PLXNA2: variants seen among roughly 807,000 people sequenced by gnomAD.
The protein encoded by PLXNA2 is plexin-A2.
A neutral mutation model predicts 193.5 loss-of-function variants in PLXNA2; 91 were observed. The observed-to-expected ratio is 0.47, with a 90% confidence interval of 0.40 to 0.56. The LOEUF (loss-of-function observed/expected upper bound fraction) is 0.56, where lower values mean the gene tolerates loss of function less well. Among genes scored for constraint, PLXNA2 ranks in the 20% least tolerant of loss-of-function variants. PLXNA2 has a pLI of 0.00. For missense variants in PLXNA2, 1,995 were observed against 2,503.2 expected, an observed-to-expected ratio of 0.80 and a Z score of 4.33; for synonymous variants, 997 against 1,027.3, an observed-to-expected ratio of 0.97 and a Z score of 0.56.
intron 6 of PLXNA2, among the ~76,000 whole-genome samples, chr1:208,097,499 A>T (rs1259305056): frequency 2.0e-5 from 3 of 152,284 alleles, no homozygotes; most frequent in Middle Eastern, 6.8e-3. Context: ...AGCTCAGGGG[A>T]TCAGAGAAGT....
chr1:208,121,876 GT>G (rs766966439), intron 4 of PLXNA2, among the ~76,000 whole-genome samples: 7 of 152,084 alleles, frequency 4.6e-5, no homozygotes, highest in Non-Finnish European at 8.8e-5. Flanking sequence ...CACCAATACA[GT>G]GACACCATGC....
In PLXNA2 at chr1:208,051,382, G is replaced by A; in HGVS notation, c.3035C>T (p.Ser1012Phe). The A allele has an allele frequency of 6.2e-7, 1 of 1,612,894 alleles. No individual in the cohort carries two copies. The highest frequency in any genetic ancestry group is 8.5e-7 in the Non-Finnish European group (1 of 1,179,708). The change falls in exon 16 of 32, where the codon TCC (serine) becomes TTC (phenylalanine). Residue 1012 changes from serine to phenylalanine, a missense_variant. Physicochemically the swap from Ser to Phe is radical, Grantham distance 155. Transcript: ENST00000367033. ...SEIVCVSPPS[S>F]NGLGPVPVSV... Reference sequence around the variant, plus strand: ...AACAGGGACCGGGCCAAGGCCATTGGATGATGGGGGTGAGACACACACGAT... The same window carrying A: ...AACAGGGACCGGGCCAAGGCCATTGAATGATGGGGGTGAGACACACACGAT...
chr1:208,188,161 A>T (rs1321708894), intron 3 of PLXNA2, among the ~76,000 whole-genome samples: 1 of 152,196 alleles, frequency 6.6e-6, no homozygotes, highest in Non-Finnish European at 1.5e-5. Flanking sequence ...CATGCCTTCA[A>T]CTAGGCACCT....
chr1:208,043,265 G>A, intron 20 of PLXNA2, 62 bp from the exon 21 acceptor site: 1 of 1,564,130 alleles, frequency 6.4e-7, no homozygotes, highest in Non-Finnish European at 8.8e-7. Flanking sequence ...GGAGAAAGAG[G>A]GAGAAGAAGT....
intron 4 of PLXNA2, among the ~76,000 whole-genome samples, chr1:208,106,609 T>G (rs1424188099): frequency 6.6e-6 from 1 of 152,178 alleles, no homozygotes; most frequent in Non-Finnish European, 1.5e-5. Flanking sequence ...CAATACACAC[T>G]GGATTTGGAA....
intron 3 of PLXNA2, among the ~76,000 whole-genome samples, chr1:208,187,626 C>T (rs931689169): frequency 2.3e-4 from 35 of 152,206 alleles, no homozygotes; most frequent in South Asian, 4.1e-4. Flanking sequence ...CAGTGCTATG[C>T]GAAGACGTCT....
chr1:208,104,037 C>T (rs1334098194), intron 4 of PLXNA2, among the ~76,000 whole-genome samples: 3 of 152,096 alleles, frequency 2.0e-5, no homozygotes, highest in Admixed American at 6.5e-5. Flanking sequence ...GGCAAGGGGG[C>T]CAGAGGACTG....
rs1667965105 is a variant in PLXNA2 at position 208,125,989 on chromosome 1, G to A, written c.1506+16340C>T. On this transcript the variant is annotated intron_variant, in intron 4 of 31. Coordinates refer to ENST00000367033, the MANE Select transcript of PLXNA2 (RefSeq NM_025179.4). ...GAGGAAAGACAACATGGAGATGGCA[G>A]CAGGCAGATATTCTGACCTTTGTGC... is the stretch of plus-strand genomic sequence containing the variant. 2.0e-5 allele frequency among the ~76,000 whole-genome samples: 3 copies of A among 152,358 alleles called. No individual in the cohort carries two copies. The South Asian group carries it at 6.2e-4, about 32-fold the overall frequency.
chr1:208,186,708 A>ATTTTGTTTTTTGTTTTTTGTTTTTTTT (rs368056918), intron 3 of PLXNA2, among the ~76,000 whole-genome samples: 6 of 111,742 alleles, frequency 5.4e-5, no homozygotes, highest in Middle Eastern at 4.1e-3. Flanking sequence ...TTGCAATGTT[A>ATTTTGTTTTTTGTTTTTTGTTTTTTTT]TTTTATTTTT....
chr1:208,117,398 TAAA>T (rs1667671355), intron 4 of PLXNA2, among the ~76,000 whole-genome samples: 1 of 152,010 alleles, frequency 6.6e-6, no homozygotes, highest in Admixed American at 6.5e-5. Context: ...GGTGGCAGGC[TAAA>T]AAGATGGGCA....
intron 3 of PLXNA2, among the ~76,000 whole-genome samples, chr1:208,164,193 G>T (rs928899652): frequency 6.6e-6 from 1 of 152,162 alleles, no homozygotes; most frequent in East Asian, 1.9e-4. Context: ...AGGCTACAGG[G>T]GAAGACTTCT....
chr1:208,131,642 C>G (rs1668158032), intron 4 of PLXNA2, among the ~76,000 whole-genome samples: 1 of 152,148 alleles, frequency 6.6e-6, no homozygotes, highest in South Asian at 2.1e-4. Context: ...AGGGATTGAG[C>G]TGATATGGGT....
At chr1:208,243,376 A>G (rs4844661) in intron 1 of PLXNA2, among the ~76,000 whole-genome samples, 92,802 of 151,852 alleles carry the variant, frequency 0.61, 29,291 homozygotes, top group African/African-American at 0.78. Context: ...CTCAGCCCGC[A>G]TTCGGGAAGC....
intron 29 of PLXNA2, chr1:208,030,636 G>A: frequency 1.0e-6 from 1 of 985,420 alleles, no homozygotes; most frequent in Non-Finnish European, 1.2e-6. Flanking sequence ...TTTTTCCAAA[G>A]TGTTTTGTTG....
In PLXNA2 at chr1:208,077,994, G is replaced by A. The variant is rs77563311; in HGVS notation, c.2586+1266C>T. Among the ~76,000 whole-genome samples the A allele has an allele frequency of 2.7e-3, 418 of 152,240 alleles. 3 individuals are homozygous for A. The highest frequency in any genetic ancestry group is 9.7e-3 in the African/African-American group (403 of 41,554). Reference sequence around the variant, plus strand: ...GTCTATGAAAGGTCCGGATATGAAGGAAGGGGAAGCACCACTTCTTCTTTT... The same window carrying A: ...GTCTATGAAAGGTCCGGATATGAAGAAAGGGGAAGCACCACTTCTTCTTTT... On this transcript the variant is annotated intron_variant, in intron 12 of 31. Transcript: ENST00000367033.
At chr1:208,151,641 G>C (rs775670110) in intron 3 of PLXNA2, among the ~76,000 whole-genome samples, 10 of 152,144 alleles carry the variant, frequency 6.6e-5, no homozygotes, top group African/African-American at 2.4e-4. Flanking sequence ...CATTTATTGA[G>C]CATCTATTCT....
intron 12 of PLXNA2, among the ~76,000 whole-genome samples, chr1:208,073,542 T>G (rs531964372): frequency 1.3e-5 from 2 of 152,308 alleles, no homozygotes; most frequent in African/African-American, 4.8e-5. Flanking sequence ...TAAATATTCA[T>G]TTAATGAGTG....
chr1:208,030,671 A>G lies in PLXNA2; in HGVS notation c.5225+919T>C, dbSNP rs1664475623. On this transcript the variant is annotated intron_variant, in intron 29 of 31. Coordinates refer to ENST00000367033, the MANE Select transcript of PLXNA2 (RefSeq NM_025179.4). ...GGTTGCTAGGACTTTTGATTCCCAA[A>G]TAACAGCCTGGGCCCATCTGTGTCG... 6 of 985,302 alleles carry G rather than the reference A, an allele frequency of 6.1e-6. No homozygotes were observed. The Admixed American group carries it at 3.7e-4, about 61-fold the overall frequency. The allele number at this position is 985,302 out of a possible 1,614,324, so 61.0% of individuals were successfully genotyped here.
chr1:208,113,004 A>C (rs1212817288), intron 4 of PLXNA2, among the ~76,000 whole-genome samples: 1 of 94,582 alleles, frequency 1.1e-5, no homozygotes, highest in East Asian at 3.9e-4. Context: ...GGAAGGACCT[A>C]CAAAAAAAAA....
Sources: gnomAD v4.1 joint callset for allele counts (sites outside exome capture counted in the v4.1 genomes callset) on GRCh38, gnomAD v4.1.1 for gene constraint, MANE v1.5 for transcripts, NCBI Gene and HGNC (gene_info 2026-07-23, HGNC 2026-07-21) for gene names.